DPP6: variants seen among roughly 807,000 people sequenced by gnomAD.
The protein encoded by DPP6 is dipeptidyl peptidase like 6.
A neutral mutation model predicts 122.6 loss-of-function variants in DPP6; 69 were observed. The observed-to-expected ratio is 0.56, with a 90% CI of 0.46 to 0.69. The LOEUF is 0.69. Ranked by LOEUF, DPP6 falls within the 30% of genes least tolerant of loss-of-function variation. DPP6 has a pLI of 0.00. For synonymous variants in DPP6, 418 were observed against 433.1 expected (o/e 0.97, Z 0.43); for missense variants, 928 against 1,116.9 (o/e 0.83, Z 2.41).
chr7:153,965,762 A>T (rs908905622), intron 1 of DPP6, among the ~76,000 whole-genome samples: 5 of 151,980 alleles, frequency 3.3e-5, no homozygotes, highest in African/African-American at 1.2e-4. Context: ...AGGCCCAGAC[A>T]GGCGGATCAC....
At chr7:154,379,851 A>C (rs1813440460) in intron 1 of DPP6, among the ~76,000 whole-genome samples, 1 of 152,202 alleles carries the variant, frequency 6.6e-6, no homozygotes, top group Non-Finnish European at 1.5e-5. Flanking sequence ...ATATTGGGTC[A>C]AAATATGCGC....
intron 1 of DPP6, among the ~76,000 whole-genome samples, chr7:154,021,875 C>A (rs71534054): frequency 1.3e-5 from 2 of 152,158 alleles, no homozygotes; most frequent in African/African-American, 2.4e-5. Flanking sequence ...TTCATCTACC[C>A]ATTCAAATGC....
At chr7:154,260,101 C>T (rs1034120762) in intron 1 of DPP6, among the ~76,000 whole-genome samples, 2 of 152,016 alleles carry the variant, frequency 1.3e-5, no homozygotes, top group African/African-American at 4.8e-5. Context: ...AAAAGTTGGT[C>T]CCAGGCAGGG....
At chr7:154,661,927 C>G (rs1837708537) in intron 6 of DPP6, among the ~76,000 whole-genome samples, 3 of 150,942 alleles carry the variant, frequency 2.0e-5, no homozygotes, top group South Asian at 4.2e-4. Flanking sequence ...TGGTGAATCA[C>G]CATGGCGTAT....
chr7:154,346,394 C>T (rs191479793), intron 1 of DPP6, among the ~76,000 whole-genome samples: 1 of 152,238 alleles, frequency 6.6e-6, no homozygotes, highest in East Asian at 1.9e-4. Context: ...GCAACCTCCA[C>T]CTCCCAGGTT....
At chr7:154,330,337 GA>G (rs1456001256) in intron 1 of DPP6, among the ~76,000 whole-genome samples, 1 of 152,120 alleles carries the variant, frequency 6.6e-6, no homozygotes, top group Non-Finnish European at 1.5e-5. Flanking sequence ...AGGGAGAAAA[GA>G]AAAAAGACAA....
intron 1 of DPP6, among the ~76,000 whole-genome samples, chr7:153,970,614 G>A (rs1364082276): frequency 2.0e-5 from 3 of 152,144 alleles, no homozygotes; most frequent in East Asian, 1.9e-4. Context: ...TAGAAATTTT[G>A]TAGTTTTAAT....
At chr7:153,991,016 G>A (rs1290134403) in intron 1 of DPP6, among the ~76,000 whole-genome samples, 1 of 152,232 alleles carries the variant, frequency 6.6e-6, no homozygotes. Flanking sequence ...CATAGTCCTC[G>A]TGGTTAGAGG....
intron 11 of DPP6, among the ~76,000 whole-genome samples, chr7:154,794,450 C>G (rs1587160750): frequency 6.6e-6 from 1 of 152,366 alleles, no homozygotes; most frequent in East Asian, 1.9e-4. Flanking sequence ...GTGCCTGGCA[C>G]CTGGACGCCG....
At chr7:154,181,084 G>A (rs1334785140) in intron 1 of DPP6, among the ~76,000 whole-genome samples, 1 of 152,150 alleles carries the variant, frequency 6.6e-6, no homozygotes, top group African/African-American at 2.4e-5. Context: ...TAAGTGGAAA[G>A]TTGAAGAGCT....
the DPP6 span, among the ~76,000 whole-genome samples, chr7:153,783,126 C>G: frequency 6.6e-6 from 1 of 152,090 alleles, no homozygotes; most frequent in Non-Finnish European, 1.5e-5. Flanking sequence ...GTGTAGTATG[C>G]AGAGCATATT....
chr7:154,435,489 T>C (rs1362555211), intron 1 of DPP6, among the ~76,000 whole-genome samples: 1 of 152,190 alleles, frequency 6.6e-6, no homozygotes, highest in Non-Finnish European at 1.5e-5. Flanking sequence ...GTGTTAATTA[T>C]GATCTGTGTT....
intron 1 of DPP6, among the ~76,000 whole-genome samples, chr7:154,431,330 A>C (rs796280280): frequency 9.9e-5 from 15 of 152,050 alleles, no homozygotes; most frequent in African/African-American, 3.6e-4. Flanking sequence ...GGCCTGCTCC[A>C]CACCACCCAC....
intron 5 of DPP6, among the ~76,000 whole-genome samples, chr7:154,582,717 T>C (rs1331862116): frequency 6.6e-6 from 1 of 152,186 alleles, no homozygotes; most frequent in Non-Finnish European, 1.5e-5. Flanking sequence ...TCTCAACCCA[T>C]ACCCATGTCC....
Position 154,173,699 on chromosome 7 carries a change from G to A in DPP6, c.243+120636G>A, listed in dbSNP as rs1043181959. On this transcript the variant is annotated intron_variant, in intron 1 of 25. Transcript: ENST00000377770. ...TCTGGACGTCAGCTGCCACATCTGT[G>A]TTATTGAAGGGGACAGACACGGGAT... Among the ~76,000 whole-genome samples, 4 of 152,168 alleles carry A rather than the reference G, an allele frequency of 2.6e-5. No individual in the cohort carries two copies. In the South Asian group the frequency reaches 8.3e-4, roughly 32 times the overall value.
rs553394904 is a variant in DPP6, at chr7:154,801,560, A to AC, written c.1407+102dup. The AC allele has an allele frequency of 5.0e-3, 7,154 of 1,434,730 alleles. 36 individuals are homozygous for AC. Among genetic ancestry groups the AC allele is most frequent in the Middle Eastern group, 9.0e-3 (35 of 3,884 alleles). 88.9% of individuals were successfully genotyped at this position (1,434,730 alleles called of 1,614,324 possible). A position where few individuals can be genotyped will look rare whatever the true frequency, so the allele number is the denominator to read the frequency against. On this transcript the variant is annotated intron_variant, in intron 13 of 25. Coordinates refer to ENST00000377770, the MANE Select transcript of DPP6 (RefSeq NM_130797.4). ...GCTGGGCACACTTGCGTTTTCGAGG[A>AC]CCCCAAGGAATCTGAAGGTGGTTCC...
intron 1 of DPP6, among the ~76,000 whole-genome samples, chr7:153,897,319 G>C (rs1198516575): frequency 1.3e-5 from 2 of 152,140 alleles, no homozygotes; most frequent in Non-Finnish European, 2.9e-5. Flanking sequence ...ATAGTGCCTG[G>C]AAGATGGGGG....
intron 1 of DPP6, among the ~76,000 whole-genome samples, chr7:154,142,089 A>G (rs1240056339): frequency 6.6e-6 from 1 of 152,176 alleles, no homozygotes; most frequent in Non-Finnish European, 1.5e-5. Context: ...TTAGAATTGA[A>G]AGATATCGTA....
chr7:153,938,348 A>G (rs1044575580), intron 1 of DPP6, among the ~76,000 whole-genome samples: 1 of 152,322 alleles, frequency 6.6e-6, no homozygotes, highest in African/African-American at 2.4e-5. Flanking sequence ...TGCGTAAGGA[A>G]TCTGTCAGAT....
Sources: allele counts gnomAD v4.1 joint callset (sites outside exome capture counted in the v4.1 genomes callset), GRCh38; gene constraint gnomAD v4.1.1; transcripts MANE v1.5; gene names NCBI Gene and HGNC (gene_info 2026-07-23, HGNC 2026-07-21).